Variants in EPHB2 observed in about 807,000 individuals in gnomAD.
The protein encoded by EPHB2 is ephrin type-B receptor 2.
In EPHB2, 18 loss-of-function variants were observed where a neutral mutation model predicts 96.4. The ratio of observed to expected loss-of-function variants is 0.19; its 90% CI spans 0.13 to 0.28. The LOEUF is 0.28. Ranked by LOEUF, EPHB2 falls within the 10% of genes least tolerant of loss-of-function variation. EPHB2 has a pLI of 1.00. For missense variants in EPHB2, 989 were observed against 1,355.4 expected, an observed-to-expected ratio of 0.73 and a Z score of 4.25; for synonymous variants, 506 against 534.1, an observed-to-expected ratio of 0.95 and a Z score of 0.72.
chr1:22,729,785 A>G (rs758615596), intron 1 of EPHB2, among the ~76,000 whole-genome samples: 2 of 152,164 alleles, frequency 1.3e-5, no homozygotes, highest in Admixed American at 6.5e-5. Flanking sequence ...TACCTCTCCT[A>G]CCAGACCGTC....
chr1:22,880,181 T>C (rs1268588175), intron 5 of EPHB2, among the ~76,000 whole-genome samples: 1 of 151,740 alleles, frequency 6.6e-6, no homozygotes, highest in Non-Finnish European at 1.5e-5. Flanking sequence ...ATCGCCTAGG[T>C]CACACAGCCA....
At position 22,909,129 on chromosome 1, in the gene EPHB2, G is replaced by A. The variant is rs762449653; in HGVS notation, c.2460G>A (p.Met820Ile). The change falls in exon 13 of 16, where the codon ATG becomes ATA. Residue 820 changes from methionine (M) to isoleucine (I), a missense_variant. Coordinates refer to ENST00000374630, the MANE Select transcript of EPHB2 (RefSeq NM_017449.5). ...ACGGCATTGTCATGTGGGAGGTGATGTCCTATGGGGAGCGGCCCTACTGGG... is the reference window on the plus strand; with the variant it reads ...ACGGCATTGTCATGTGGGAGGTGATATCCTATGGGGAGCGGCCCTACTGGG... ...WSYGIVMWEV[M>I]SYGERPYWDM... The A allele has an allele frequency of 2.5e-6, 4 of 1,614,242 alleles. No homozygotes were observed. Among genetic ancestry groups the A allele is most frequent in the Non-Finnish European group, 3.4e-6 (4 of 1,180,042 alleles).
intron 1 of EPHB2, among the ~76,000 whole-genome samples, chr1:22,750,525 T>A (rs999839072): frequency 6.6e-6 from 1 of 152,094 alleles, no homozygotes; most frequent in Non-Finnish European, 1.5e-5. Flanking sequence ...AAGTTCCCCT[T>A]CCCTTCTCCT....
chr1:22,805,207 T>TG (rs1171597903), intron 3 of EPHB2, among the ~76,000 whole-genome samples: 2 of 152,192 alleles, frequency 1.3e-5, no homozygotes, highest in East Asian at 3.9e-4. Context: ...ACAGGGGGCC[T>TG]GGCCTGTTGA....
rs772158428 is a variant in EPHB2 at position 22,742,893 on chromosome 1, C to CT, written c.61+31862dup. Among the ~76,000 whole-genome samples, 142 of 147,082 alleles carry CT rather than the reference C, an allele frequency of 9.7e-4. 1 individual carries two copies. In the East Asian group the frequency reaches 0.011, roughly 12 times the overall value. ...TACTTTGACATTCATTTATTATGAA[C>CT]TTTTTTTTTTTTCTGAGACAGGGTC... On this transcript the variant is annotated intron_variant, in intron 1 of 15. Transcript: ENST00000374630.
chr1:22,841,237 T>G (rs953399514), intron 3 of EPHB2, among the ~76,000 whole-genome samples: 2 of 152,244 alleles, frequency 1.3e-5, no homozygotes, highest in Non-Finnish European at 2.9e-5. Flanking sequence ...GATTACTGTG[T>G]CTTATCTAAG....
chr1:22,779,675 T>C (rs1644501393), intron 1 of EPHB2, among the ~76,000 whole-genome samples: 1 of 152,180 alleles, frequency 6.6e-6, no homozygotes, highest in African/African-American at 2.4e-5. Flanking sequence ...CACCTGCACT[T>C]CCCACTGTGT....
intron 1 of EPHB2, among the ~76,000 whole-genome samples, chr1:22,756,358 C>T (rs959274000): frequency 2.0e-5 from 3 of 152,046 alleles, no homozygotes; most frequent in East Asian, 3.9e-4. Flanking sequence ...TGGCCTGGGA[C>T]GGTCCCCTGG....
intron 1 of EPHB2, among the ~76,000 whole-genome samples, chr1:22,772,266 C>T (rs1458252028): frequency 1.3e-5 from 2 of 152,106 alleles, no homozygotes; most frequent in Non-Finnish European, 2.9e-5. Flanking sequence ...CCCAGGCCAG[C>T]GGCAGGCAGG....
intron 3 of EPHB2, among the ~76,000 whole-genome samples, chr1:22,830,569 T>A (rs1275643318): frequency 1.3e-5 from 2 of 152,062 alleles, no homozygotes; most frequent in Non-Finnish European, 2.9e-5. Context: ...ATTCATTTCT[T>A]TTGTTTGTTT....
intron 3 of EPHB2, among the ~76,000 whole-genome samples, chr1:22,798,178 G>T (rs1363021499): frequency 2.0e-5 from 3 of 152,218 alleles, no homozygotes; most frequent in African/African-American, 7.2e-5. Flanking sequence ...AATACTTGTT[G>T]CAGAGTCCCA....
chr1:22,741,220 G>A (rs1041994735), intron 1 of EPHB2, among the ~76,000 whole-genome samples: 1 of 151,984 alleles, frequency 6.6e-6, no homozygotes, highest in Non-Finnish European at 1.5e-5. Flanking sequence ...ATCTTTCCCA[G>A]CGGCAGCCCT....
chr1:22,913,289 C>G lies in EPHB2; in HGVS notation c.2853-173C>G. ...GATTCCGACTCAAGTGCTCTTCCAC[C>G]TCACACCATAGTCGCTCCCTCCAGC... On this transcript the variant is annotated intron_variant, in intron 15 of 15. Coordinates refer to ENST00000374630, the MANE Select transcript of EPHB2 (RefSeq NM_017449.5). This position sits in a 1 kb window ranked among gnomAD's most constrained non-coding sequence, Gnocchi z 4.1. 1.3e-6 allele frequency: 1 copy of G among 791,274 alleles called. No homozygotes were observed. Among genetic ancestry groups the G allele is most frequent in the Non-Finnish European group, 2.1e-6 (1 of 478,576 alleles). 49.0% of individuals were successfully genotyped at this position (791,274 alleles called of 1,614,324 possible). A position where few individuals can be genotyped will look rare whatever the true frequency, so the allele number is the denominator to read the frequency against.
chr1:22,869,216 C>G (rs1638579862), intron 5 of EPHB2, among the ~76,000 whole-genome samples: 1 of 152,024 alleles, frequency 6.6e-6, no homozygotes, highest in Non-Finnish European at 1.5e-5. Context: ...GGTGAGGAAA[C>G]TGAAGCCCAG....
chr1:22,787,533 T>A (rs777663930), intron 3 of EPHB2, among the ~76,000 whole-genome samples: 3 of 152,168 alleles, frequency 2.0e-5, no homozygotes, highest in Non-Finnish European at 4.4e-5. Context: ...GAAGATTGCT[T>A]GAGCCCAGGA....
intron 1 of EPHB2, among the ~76,000 whole-genome samples, chr1:22,758,717 G>GT (rs754224072): frequency 4.0e-5 from 6 of 151,776 alleles, no homozygotes; most frequent in African/African-American, 4.8e-5. Context: ...TGACACAGTG[G>GT]TATGAGGGGC....
rs190590134 is a variant in EPHB2, at chr1:22,823,446, C to T, written c.811+38370C>T. On this transcript the variant is annotated intron_variant, in intron 3 of 15. Transcript: ENST00000374630. ...GATGGCCTTTAAGGAGGTTTGTGAA[C>T]CTCCTTTGTGAAATTGTTCACAAAA... Among the ~76,000 whole-genome samples the T allele has an allele frequency of 1.9e-3, 289 of 152,260 alleles. 1 individual carries two copies. The highest frequency in any genetic ancestry group is 6.5e-3 in the African/African-American group (272 of 41,544).
intron 1 of EPHB2, among the ~76,000 whole-genome samples, chr1:22,759,168 G>A (rs961212430): frequency 3.9e-5 from 6 of 152,006 alleles, no homozygotes; most frequent in South Asian, 2.1e-4. Flanking sequence ...TTCCCAGCTC[G>A]CTTCCTCACC....
chr1:22,740,992 C>G (rs952726936), intron 1 of EPHB2, among the ~76,000 whole-genome samples: 4 of 152,074 alleles, frequency 2.6e-5, no homozygotes, highest in African/African-American at 9.7e-5. Context: ...TCCTTGCTGA[C>G]GGCGGGGATT....
Sources: allele counts gnomAD v4.1 joint callset (sites outside exome capture counted in the v4.1 genomes callset), GRCh38; gene constraint gnomAD v4.1.1; non-coding constraint Gnocchi (gnomAD v3.1); transcripts MANE v1.5; gene names NCBI Gene and HGNC (gene_info 2026-07-23, HGNC 2026-07-21).